Variants in GIGYF1 observed in about 807,000 individuals in gnomAD.
GIGYF1 encodes GRB10 interacting GYF protein 1, also known as GRB10-interacting GYF protein 1.
In GIGYF1, 84 loss-of-function variants were observed where a neutral mutation model predicts 147.1. The ratio of observed to expected loss-of-function variants is 0.57; its 90% CI spans 0.48 to 0.68. The LOEUF (loss-of-function observed/expected upper bound fraction) is 0.68, where lower values mean the gene tolerates loss of function less well. GIGYF1 is among the 30% of genes least tolerant of loss of function. The probability of loss-of-function intolerance (pLI) is 0.00; values close to 1 mark genes in which losing one functional copy is unlikely to be tolerated. For missense variants in GIGYF1, 1,485 were observed against 1,393.7 expected (o/e 1.07, Z -1.04); for synonymous variants, 752 against 589.5 (o/e 1.28, Z -3.99).
At chr7:100,690,162 C>T (rs1180018780) in intron 1 of GIGYF1, among the ~76,000 whole-genome samples, 5 of 152,160 alleles carry the variant, frequency 3.3e-5, no homozygotes, top group African/African-American at 4.8e-5. Flanking sequence ...TTTAAAAAAG[C>T]TTTAGGGAAC....
rs1261456240 is a variant in GIGYF1, at chr7:100,683,752, A to G, written c.1969+66T>C. On this transcript the variant is annotated intron_variant, in intron 19 of 26. Transcript: ENST00000678049. ...CAGCTAGGGGCGTGTGGGGGTGGGG[A>G]GCAGACCCCAGACCCCATTTCACCC... The G allele has an allele frequency of 3.9e-6, 6 of 1,545,190 alleles. 1 individual carries two copies. Among genetic ancestry groups the G allele is most frequent in the Non-Finnish European group, 5.4e-6 (6 of 1,120,080 alleles).
At chr7:100,691,954 A>C (rs1187484345) in intron 1 of GIGYF1, among the ~76,000 whole-genome samples, 1 of 152,256 alleles carries the variant, frequency 6.6e-6, no homozygotes, top group Non-Finnish European at 1.5e-5. Context: ...GACAGAGAAC[A>C]GGCGGTCCCA....
At position 100,692,288 on chromosome 7, in the gene GIGYF1, T is replaced by C. The variant is rs554705588; in HGVS notation, c.-1099+1822A>G. Among the ~76,000 whole-genome samples, 22 of 152,326 alleles carry C rather than the reference T, an allele frequency of 1.4e-4. No individual in the cohort carries two copies. The South Asian group carries it at 3.3e-3, about 23-fold the overall frequency. On this transcript the variant is annotated intron_variant, in intron 1 of 26. Coordinates refer to ENST00000678049, the MANE Select transcript of GIGYF1 (RefSeq NM_001375765.1). Reference sequence around the variant, plus strand: ...AGCAAATCACACCACCGCTTGGCAATTGTCTACAAGTTAACAGTTTTCAAA... The same window carrying C: ...AGCAAATCACACCACCGCTTGGCAACTGTCTACAAGTTAACAGTTTTCAAA...
chr7:100,684,636 G>C lies in GIGYF1; in HGVS notation c.1463-20C>G. On this transcript the variant is annotated intron_variant, in intron 15 of 26. Coordinates refer to ENST00000678049, the MANE Select transcript of GIGYF1 (RefSeq NM_001375765.1). ...AGGGGCCTGGACAGGGAGCGAGGGA[G>C]CGGGAGAACCACTGGGGTCACAGGG... 1.2e-6 allele frequency: 2 copies of C among 1,613,894 alleles called. No homozygotes were observed. The highest frequency in any genetic ancestry group is 1.7e-6 in the Non-Finnish European group (2 of 1,179,880).
Position 100,684,862 on chromosome 7 carries a change from G to A in GIGYF1, c.1323C>T (p.Asp441=), listed in dbSNP as rs1347867175. The A allele has an allele frequency of 6.9e-6, 11 of 1,605,012 alleles. No individual in the cohort carries two copies. The highest frequency in any genetic ancestry group is 6.7e-5 in the East Asian group (3 of 44,786). Residue 441 remains aspartate, a synonymous_variant, in exon 15 of 27, where the codon GAC becomes GAT. Coordinates refer to ENST00000678049, the MANE Select transcript of GIGYF1 (RefSeq NM_001375765.1). ...TGAACTGCTCCTCCTCCAAGGAGCT[G>A]TCCTGCAGGGAGGCCACCAGCTTCT... ...EAEKLVASLQ[D]SSLEEEQFTA...
intron 10 of GIGYF1, 97 bp from the exon 11 acceptor site, chr7:100,686,530 C>A (rs946442402): frequency 1.3e-6 from 2 of 1,516,454 alleles, no homozygotes; most frequent in African/African-American, 2.8e-5. Context: ...GGGCTGCTGT[C>A]CCGGCCACTC....
rs752069062 is a variant in GIGYF1 at position 100,683,148 on chromosome 7, G to T, written c.2276C>A (p.Pro759Gln). The change falls in exon 22 of 27, where the codon CCA becomes CAA. Residue 759 changes from proline (P) to glutamine (Q), a missense_variant. Coordinates refer to ENST00000678049, the MANE Select transcript of GIGYF1 (RefSeq NM_001375765.1). ...CTGCTTGGCCAGGCCAGCCCAGAGT[G>T]GGGGCGGGGAGCTGGGTGCGGGGGG... ...PVPPAPSSPP[P>Q]LWAGLAKQGL... The T allele has an allele frequency of 1.6e-5, 26 of 1,598,934 alleles. No homozygotes were observed. The highest frequency in any genetic ancestry group is 2.2e-5 in the East Asian group (1 of 44,550).
intron 1 of GIGYF1, among the ~76,000 whole-genome samples, chr7:100,693,410 C>T (rs1805977030): frequency 6.6e-6 from 1 of 152,084 alleles, no homozygotes; most frequent in Non-Finnish European, 1.5e-5. Flanking sequence ...GCAGTCTCTG[C>T]TAAGGAAGGT....
chr7:100,685,278 C>T (rs976427496), intron 13 of GIGYF1, 66 bp downstream of exon 13: 45 of 1,539,386 alleles, frequency 2.9e-5, no homozygotes, highest in Middle Eastern at 1.8e-4. Context: ...CCCACCCCCA[C>T]GAGTGGGGAG....
In GIGYF1 at chr7:100,693,186, T is replaced by C. The variant is rs1434104703; in HGVS notation, c.-1099+924A>G. ...AAGTCTTTATGTAGCATCTCCTAGT[T>C]CCTAGCACTAGGATGCAACAGACCT... On this transcript the variant is annotated intron_variant, in intron 1 of 26. Coordinates refer to ENST00000678049, the MANE Select transcript of GIGYF1 (RefSeq NM_001375765.1). Among the ~76,000 whole-genome samples, 3 of 152,102 alleles carry C rather than the reference T, an allele frequency of 2.0e-5. No homozygotes were observed. In the East Asian group the frequency reaches 5.8e-4, roughly 29 times the overall value.
In GIGYF1 at chr7:100,680,604, T is replaced by TC. The variant is rs1175195773; in HGVS notation, c.*1114dup. The TC allele has an allele frequency of 1.3e-5, 2 of 152,548 alleles. No individual in the cohort carries two copies. Among genetic ancestry groups the TC allele is most frequent in the Non-Finnish European group, 2.9e-5 (2 of 68,094 alleles). 9.4% of individuals were successfully genotyped at this position (152,548 alleles called of 1,614,324 possible). ...AAGGGTCAGGTGCAGAGCTGGGTGGTCCACATCTTACGAGCTGGCTACAGG... is the reference window on the plus strand; with the variant it reads ...AAGGGTCAGGTGCAGAGCTGGGTGGTCCCACATCTTACGAGCTGGCTACAGG... On this transcript the variant is annotated 3_prime_UTR_variant, in exon 27 of 27. Transcript: ENST00000678049.
chr7:100,682,260 G>A, intron 24 of GIGYF1, 25 bp from the exon 25 acceptor site: 1 of 1,608,398 alleles, frequency 6.2e-7, no homozygotes. Flanking sequence ...AAGGCTGTCA[G>A]GGCCCCCTGG....
At chr7:100,693,105 G>C (rs1351516497) in intron 1 of GIGYF1, among the ~76,000 whole-genome samples, 1 of 152,048 alleles carries the variant, frequency 6.6e-6, no homozygotes, top group East Asian at 1.9e-4. Flanking sequence ...CACTTTGAGA[G>C]GCAGGAGGGA....
Position 100,684,864 on chromosome 7 carries a change from C to T in GIGYF1, c.1321G>A (p.Asp441Asn), listed in dbSNP as rs1406105494. Residue 441 changes from aspartate (D) to asparagine (N), a missense_variant, in exon 15 of 27, where the codon GAC becomes AAC. Coordinates refer to ENST00000678049, the MANE Select transcript of GIGYF1 (RefSeq NM_001375765.1). ...AACTGCTCCTCCTCCAAGGAGCTGT[C>T]CTGCAGGGAGGCCACCAGCTTCTCC... is the stretch of plus-strand genomic sequence containing the variant. Reference protein sequence around the residue: ...EAEKLVASLQDSSLEEEQFTA... With the variant: ...EAEKLVASLQNSSLEEEQFTA... 6.2e-7 allele frequency: 1 copy of T among 1,605,144 alleles called. No homozygotes were observed. Among genetic ancestry groups the T allele is most frequent in the Non-Finnish European group, 8.5e-7 (1 of 1,175,104 alleles).
chr7:100,683,352 C>T lies in GIGYF1; in HGVS notation c.2145G>A (p.Glu715=), dbSNP rs1405995638. The part of the protein sequence containing the change: ...REEKRRQQQQ[E]EQKRRQEEEE... Reference sequence around the variant, plus strand: ...CCTCCTCCTGCCGCCGCTTCTGCTCCTCCTGCTGCTGCTGGCGGCGCTTCT... The same window carrying T: ...CCTCCTCCTGCCGCCGCTTCTGCTCTTCCTGCTGCTGCTGGCGGCGCTTCT... The change falls in exon 21 of 27, where the codon GAG becomes GAA. Residue 715 remains glutamate, a synonymous_variant. Transcript: ENST00000678049. 8.1e-6 allele frequency: 13 copies of T among 1,613,608 alleles called. No homozygotes were observed. Among genetic ancestry groups the T allele is most frequent in the African/African-American group, 1.3e-5 (1 of 74,954 alleles).
rs1344086489 is a variant in GIGYF1, at chr7:100,681,588, G to T, written c.*131C>A. On this transcript the variant is annotated 3_prime_UTR_variant, in exon 27 of 27. Transcript: ENST00000678049. ...GTGAGTTAAGGTGCATCGTGTGTTT[G>T]TAACAAGTGCTGGGGACCCCGCCCC... The T allele has an allele frequency of 7.2e-6, 5 of 698,582 alleles. No homozygotes were observed. The highest frequency in any genetic ancestry group is 3.0e-5 in the East Asian group (1 of 33,896). 43.3% of individuals were successfully genotyped at this position (698,582 alleles called of 1,614,324 possible). A position where few individuals can be genotyped will look rare whatever the true frequency, so the allele number is the denominator to read the frequency against.
chr7:100,687,002 G>C lies in GIGYF1; in HGVS notation c.523+4C>G. 1 of 1,613,860 alleles carries C rather than the reference G, an allele frequency of 6.2e-7. No individual in the cohort carries two copies. The highest frequency in any genetic ancestry group is 8.5e-7 in the Non-Finnish European group (1 of 1,179,974). ...CCCGGCCGCCGCCCTCAGCAGCCTC[G>C]TACCTCCATCCCGCCTTGCTGACTT... On this transcript the variant is annotated splice_donor_region_variant and intron_variant, in intron 9 of 26. Coordinates refer to ENST00000678049, the MANE Select transcript of GIGYF1 (RefSeq NM_001375765.1).
Position 100,679,725 on chromosome 7 carries a change from G to C in GIGYF1, c.*1994C>G, listed in dbSNP as rs551870621. The C allele has an allele frequency of 4.6e-5, 7 of 152,868 alleles. No homozygotes were observed. Among genetic ancestry groups the C allele is most frequent in the African/African-American group, 1.7e-4 (7 of 41,550 alleles). 9.5% of individuals were successfully genotyped at this position (152,868 alleles called of 1,614,324 possible). A position where few individuals can be genotyped will look rare whatever the true frequency, so the allele number is the denominator to read the frequency against. On this transcript the variant is annotated 3_prime_UTR_variant, in exon 27 of 27. Coordinates refer to ENST00000678049, the MANE Select transcript of GIGYF1 (RefSeq NM_001375765.1). Reference sequence around the variant, plus strand: ...CCGGGGAAGGACAGCAACAGGGTCTGAGTCCCTGGGCAGGGGGGCTCAGGG... The same window carrying C: ...CCGGGGAAGGACAGCAACAGGGTCTCAGTCCCTGGGCAGGGGGGCTCAGGG...
intron 16 of GIGYF1, 40 bp downstream of exon 16, chr7:100,684,410 C>T (rs769340856): frequency 6.2e-7 from 1 of 1,609,008 alleles, no homozygotes; most frequent in African/African-American, 1.3e-5. Flanking sequence ...GCCGGCACCC[C>T]TCACACCCTG....
Sources: allele counts gnomAD v4.1 joint callset (sites outside exome capture counted in the v4.1 genomes callset), GRCh38; gene constraint gnomAD v4.1.1; transcripts MANE v1.5; gene names NCBI Gene and HGNC (gene_info 2026-07-23, HGNC 2026-07-21).